EPB41L5: variants seen among roughly 807,000 people sequenced by gnomAD.
The protein encoded by EPB41L5 is erythrocyte membrane protein band 4.1 like 5.
Under a neutral mutation model 106.6 loss-of-function variants are expected in EPB41L5, and 55 were observed. The observed-to-expected ratio is 0.52, with a 90% CI of 0.42 to 0.65. EPB41L5 has a LOEUF of 0.65. Among genes scored for constraint, EPB41L5 ranks in the 30% least tolerant of loss-of-function variants. The probability of loss-of-function intolerance (pLI) is 0.00; values close to 1 mark genes in which losing one functional copy is unlikely to be tolerated. For missense variants in EPB41L5, 871 were observed against 882.1 expected, an observed-to-expected ratio of 0.99 and a Z score of 0.16; for synonymous variants, 297 against 306.7, an observed-to-expected ratio of 0.97 and a Z score of 0.33.
intron 2 of EPB41L5, among the ~76,000 whole-genome samples, chr2:120,020,948 G>T (rs1398639821): frequency 6.6e-6 from 1 of 152,208 alleles, no homozygotes; most frequent in African/African-American, 2.4e-5. Flanking sequence ...GCTTAGCTGG[G>T]TGTATGTGAT....
At chr2:120,106,452 A>ATT (rs756468792) in intron 16 of EPB41L5, 62 of 985,132 alleles carry the variant, frequency 6.3e-5, no homozygotes, top group Non-Finnish European at 7.1e-5. Context: ...AATTAAATAA[A>ATT]TTGTCACCAA....
At chr2:120,119,829 CAATT>C (rs1298226763) in intron 16 of EPB41L5, among the ~76,000 whole-genome samples, 2 of 152,050 alleles carry the variant, frequency 1.3e-5, no homozygotes, top group Non-Finnish European at 2.9e-5. Context: ...CTATTTGAGA[CAATT>C]AATTTGCATT....
chr2:120,164,265 A>C lies in EPB41L5; in HGVS notation c.1888-571A>C, dbSNP rs543381737. Among the ~76,000 whole-genome samples the C allele has an allele frequency of 5.9e-5, 9 of 152,160 alleles. No homozygotes were observed. The East Asian group carries it at 1.7e-3, about 29-fold the overall frequency. ...AATCTCACTCTGTCATCCAGGCTGGAGTACGGTGGTGTAATCTTGGCTCAC... is the reference window on the plus strand; with the variant it reads ...AATCTCACTCTGTCATCCAGGCTGGCGTACGGTGGTGTAATCTTGGCTCAC... On this transcript the variant is annotated intron_variant, in intron 21 of 24. Transcript: ENST00000263713.
In EPB41L5 at chr2:120,164,803, C is replaced by T. The variant is rs575955292; in HGVS notation, c.1888-33C>T. The T allele has an allele frequency of 2.7e-6, 4 of 1,494,910 alleles. No individual in the cohort carries two copies. In the African/African-American group the frequency reaches 5.6e-5, roughly 21 times the overall value. 92.6% of individuals were successfully genotyped at this position (1,494,910 alleles called of 1,614,324 possible). On this transcript the variant is annotated intron_variant, in intron 21 of 24. Coordinates refer to ENST00000263713, the MANE Select transcript of EPB41L5 (RefSeq NM_020909.4). ...ACTTAACATCTGATGATAAAGGGGT[C>T]ATTTAACAATTCTAGATTCCTGTCT...
At chr2:120,097,581 G>A (rs966579236) in intron 14 of EPB41L5, among the ~76,000 whole-genome samples, 3 of 152,112 alleles carry the variant, frequency 2.0e-5, no homozygotes, top group African/African-American at 7.2e-5. Context: ...ATGTTTTAAA[G>A]GATAGTTGAC....
chr2:120,146,128 A>G (rs1463771087), intron 19 of EPB41L5, 97 bp from the exon 20 acceptor site: 2 of 742,944 alleles, frequency 2.7e-6, no homozygotes, highest in Non-Finnish European at 4.5e-6. Flanking sequence ...ATTAAAGCAA[A>G]CTGATATTTC....
intron 16 of EPB41L5, among the ~76,000 whole-genome samples, chr2:120,121,215 T>G (rs960509050): frequency 3.9e-5 from 6 of 152,218 alleles, no homozygotes; most frequent in Admixed American, 2.0e-4. Context: ...TTATATATTT[T>G]TTATTATACT....
Position 120,080,569 on chromosome 2 carries a change from C to T in EPB41L5, c.803+1988C>T, listed in dbSNP as rs71492642. 3.9e-5 allele frequency among the ~76,000 whole-genome samples: 6 copies of T among 152,070 alleles called. No homozygotes were observed. The East Asian group carries it at 5.8e-4, about 15-fold the overall frequency. The stretch of plus-strand genomic sequence containing the variant: ...TGTGAATAGTGCCGCAGTAAACATA[C>T]GTGTGCATGTGTCTTTATAGCAGCA... On this transcript the variant is annotated intron_variant, in intron 10 of 24. Transcript: ENST00000263713.
intron 2 of EPB41L5, among the ~76,000 whole-genome samples, chr2:120,022,430 G>A (rs1039749036): frequency 1.6e-4 from 25 of 151,934 alleles, no homozygotes; most frequent in African/African-American, 5.8e-4. Flanking sequence ...GAGAACATGT[G>A]GTGTTTGGTT....
At chr2:120,027,892 G>T (rs538494331) in intron 2 of EPB41L5, among the ~76,000 whole-genome samples, 2 of 151,978 alleles carry the variant, frequency 1.3e-5, no homozygotes, top group South Asian at 4.1e-4. Context: ...TGGAGATGGA[G>T]TTTCACTCTT....
intron 3 of EPB41L5, among the ~76,000 whole-genome samples, chr2:120,047,590 A>G: frequency 6.6e-6 from 1 of 152,076 alleles, no homozygotes; most frequent in Non-Finnish European, 1.5e-5. Context: ...CTAAATATAC[A>G]ATCATGTCAT....
At chr2:120,089,504 A>C (rs1683274688) in intron 11 of EPB41L5, among the ~76,000 whole-genome samples, 1 of 152,096 alleles carries the variant, frequency 6.6e-6, no homozygotes, top group Non-Finnish European at 1.5e-5. Flanking sequence ...TGTAGATCTA[A>C]CATATATATA....
In EPB41L5 at chr2:120,160,921, T is replaced by A. The variant is rs946208584; in HGVS notation, c.1834T>A (p.Ser612Thr). Residue 612 changes from serine to threonine, a missense_variant, in exon 21 of 25, where the codon TCT (serine) becomes ACT (threonine). Ser to Thr is a moderately conservative substitution (Grantham distance 58). Coordinates refer to ENST00000263713, the MANE Select transcript of EPB41L5 (RefSeq NM_020909.4). The part of the protein sequence containing the change: ...NENNVPLPKE[S>T]LETLMLITPA... ...GAATAATGTGCCCCTCCCCAAAGAG[T>A]CTCTTGAGACTCTGATGCTTATCAC... The A allele has an allele frequency of 4.3e-6, 7 of 1,613,810 alleles. No homozygotes were observed. Among genetic ancestry groups the A allele is most frequent in the Non-Finnish European group, 5.9e-6 (7 of 1,179,822 alleles).
At chr2:120,100,898 A>G (rs1288872632) in intron 16 of EPB41L5, 84 bp downstream of exon 16, 2 of 902,100 alleles carry the variant, frequency 2.2e-6, no homozygotes, top group Non-Finnish European at 3.4e-6. Flanking sequence ...AAGTACTTTA[A>G]ATATGATTGA....
At chr2:120,117,782 A>G (rs976903681) in intron 16 of EPB41L5, among the ~76,000 whole-genome samples, 1 of 152,142 alleles carries the variant, frequency 6.6e-6, no homozygotes, top group African/African-American at 2.4e-5. Context: ...AATCCCTCTC[A>G]GTAGCATATT....
rs780408925 is a variant in EPB41L5 at position 120,042,067 on chromosome 2, G to A, written c.242G>A (p.Ser81Asn). 9 of 1,613,678 alleles carry A rather than the reference G, an allele frequency of 5.6e-6. No homozygotes were observed. Among genetic ancestry groups the A allele is most frequent in the East Asian group, 4.5e-5 (2 of 44,840 alleles). The change falls in exon 3 of 25, where the codon AGC becomes AAC. Residue 81 changes from serine to asparagine, a missense_variant. Ser to Asn is a conservative substitution (Grantham distance 46, BLOSUM62 1). Coordinates refer to ENST00000263713, the MANE Select transcript of EPB41L5 (RefSeq NM_020909.4). Reference sequence around the variant, plus strand: ...ATGTACCACCTGGACCTGATTGAAAGCGACTATTTTGGTCTGAGATTTATG... The same window carrying A: ...ATGTACCACCTGGACCTGATTGAAAACGACTATTTTGGTCTGAGATTTATG... ...QIMYHLDLIE[S>N]DYFGLRFMDS... is the part of the protein sequence containing the mutation.
intron 3 of EPB41L5, among the ~76,000 whole-genome samples, chr2:120,065,392 A>G (rs1263794569): frequency 1.3e-5 from 2 of 152,072 alleles, no homozygotes; most frequent in East Asian, 1.9e-4. Context: ...AGTAGCTATG[A>G]TTATAAGCAA....
At chr2:120,128,256 AACACACACACAC>A (rs3084679) in intron 17 of EPB41L5, among the ~76,000 whole-genome samples, 62 of 145,440 alleles carry the variant, frequency 4.3e-4, no homozygotes, top group Admixed American at 2.0e-3. Context: ...GGTGCTTTAA[AACACACACACAC>A]ACACACACAC....
intron 3 of EPB41L5, among the ~76,000 whole-genome samples, chr2:120,058,696 T>C (rs899710962): frequency 2.0e-5 from 3 of 152,222 alleles, no homozygotes; most frequent in Non-Finnish European, 4.4e-5. Flanking sequence ...CCAGCATTGC[T>C]GGATCTTCAG....
Sources: gnomAD v4.1 joint callset for allele counts (sites outside exome capture counted in the v4.1 genomes callset) on GRCh38, gnomAD v4.1.1 for gene constraint, MANE v1.5 for transcripts, NCBI Gene and HGNC (gene_info 2026-07-23, HGNC 2026-07-21) for gene names.